Variants in CDH4 observed in about 807,000 individuals in gnomAD.
CDH4 encodes cadherin 4, also known as cadherin-4.
A neutral mutation model predicts 86.0 loss-of-function variants in CDH4; 33 were observed. The observed-to-expected ratio is 0.38, with a 90% confidence interval of 0.29 to 0.51. CDH4 has a LOEUF of 0.51. CDH4 is among the 20% of genes least tolerant of loss of function. The pLI is 0.86. For synonymous variants in CDH4, 555 were observed against 549.4 expected (o/e 1.01, Z -0.14); for missense variants, 1,114 against 1,307.4 (o/e 0.85, Z 2.28).
intron 2 of CDH4, chr20:61,570,762 G>C: frequency 2.8e-6 from 2 of 702,334 alleles, no homozygotes; most frequent in Non-Finnish European, 2.6e-6. Flanking sequence ...CTTGAGCCAC[G>C]GCTTGTGATG....
At chr20:61,785,324 C>A (rs780725410) in intron 4 of CDH4, among the ~76,000 whole-genome samples, 5 of 152,190 alleles carry the variant, frequency 3.3e-5, no homozygotes, top group Non-Finnish European at 7.3e-5. Flanking sequence ...GGGCTGTGGG[C>A]TCCCTGAGGG....
chr20:61,432,824 A>G (rs903326866), intron 2 of CDH4, among the ~76,000 whole-genome samples: 1 of 147,524 alleles, frequency 6.8e-6, no homozygotes, highest in Non-Finnish European at 1.5e-5. Context: ...TTCTACATTT[A>G]AATCCATGAT....
At chr20:61,910,643 A>G in intron 9 of CDH4, 36 bp downstream of exon 9, 2 of 1,584,478 alleles carry the variant, frequency 1.3e-6, no homozygotes, top group Non-Finnish European at 1.7e-6. Flanking sequence ...AGGCACCCCA[A>G]GTTCTGCCAC....
rs766831223 is a variant in CDH4 at position 61,932,995 on chromosome 20, G to A, written c.2250G>A (p.Leu750=). 1.9e-6 allele frequency: 3 copies of A among 1,613,114 alleles called. No individual in the cohort carries two copies. The highest frequency in any genetic ancestry group is 2.2e-5 in the South Asian group (2 of 91,086). Reference sequence around the variant, plus strand: ...AGCCCTCCCCCACAGCCATGGTCCTGCTGTTTGTCATGTGGATGAAGCGGC... The same window carrying A: ...AGCCCTCCCCCACAGCCATGGTCCTACTGTTTGTCATGTGGATGAAGCGGC... The part of the protein sequence containing the change: ...ICILILLTMV[L]LFVMWMKRRE... The change falls in exon 14 of 16, where the codon CTG becomes CTA. Residue 750 remains leucine (L), a synonymous_variant. Coordinates refer to ENST00000614565, the MANE Select transcript of CDH4 (RefSeq NM_001794.5).
chr20:61,768,484 C>T (rs2088729516), intron 3 of CDH4, among the ~76,000 whole-genome samples: 7 of 152,330 alleles, frequency 4.6e-5, no homozygotes. Context: ...ACCCAATGCT[C>T]AGTCTTCATT....
intron 2 of CDH4, among the ~76,000 whole-genome samples, chr20:61,509,813 G>C (rs1009849513): frequency 6.6e-6 from 1 of 152,112 alleles, no homozygotes; most frequent in Non-Finnish European, 1.5e-5. Context: ...TTGCCCCACC[G>C]AAGTCTCAGG....
chr20:61,898,612 T>C (rs1272981785), intron 8 of CDH4, among the ~76,000 whole-genome samples: 1 of 152,046 alleles, frequency 6.6e-6, no homozygotes, highest in East Asian at 1.9e-4. Context: ...ACACACATGC[T>C]CACGGAGGGG....
intron 4 of CDH4, among the ~76,000 whole-genome samples, chr20:61,780,425 C>T (rs922017976): frequency 6.6e-6 from 1 of 152,170 alleles, no homozygotes; most frequent in African/African-American, 2.4e-5. Context: ...GACACTGTTT[C>T]GTCGGTAATT....
chr20:61,654,913 ACGGGGGCC>A (rs1442727348), intron 2 of CDH4, among the ~76,000 whole-genome samples: 2 of 62,202 alleles, frequency 3.2e-5, no homozygotes. Flanking sequence ...GGACAGGGAC[ACGGGGGCC>A]TGAGCCAGCC....
At chr20:61,566,698 T>G (rs2086300570) in intron 2 of CDH4, among the ~76,000 whole-genome samples, 1 of 151,998 alleles carries the variant, frequency 6.6e-6, no homozygotes, top group Non-Finnish European at 1.5e-5. Context: ...ACTAAATCAC[T>G]TTCTAATTTA....
rs569004010 is a variant in CDH4, at chr20:61,351,349, C to T, written c.169+96412C>T. Among the ~76,000 whole-genome samples, 8 of 152,246 alleles carry T rather than the reference C, an allele frequency of 5.3e-5. No individual in the cohort carries two copies. In the South Asian group the frequency reaches 8.3e-4, roughly 16 times the overall value. ...ATCCAGAGGTGATTTCAAGTCTATG[C>T]GAGGGGGTGCCTGGATTCTACGCAC... is the stretch of plus-strand genomic sequence containing the variant. On this transcript the variant is annotated intron_variant, in intron 2 of 15. Coordinates refer to ENST00000614565, the MANE Select transcript of CDH4 (RefSeq NM_001794.5).
intron 2 of CDH4, among the ~76,000 whole-genome samples, chr20:61,346,844 G>A (rs141436266): frequency 1.4e-4 from 22 of 152,158 alleles, no homozygotes; most frequent in African/African-American, 4.6e-4. Flanking sequence ...GGTGAGAGGC[G>A]ACGGTGAGTG....
At chr20:61,292,195 G>A (rs2084325868) in intron 2 of CDH4, among the ~76,000 whole-genome samples, 1 of 152,148 alleles carries the variant, frequency 6.6e-6, no homozygotes, top group Non-Finnish European at 1.5e-5. Flanking sequence ...AATATTCATG[G>A]CAGCACTGTT....
intron 2 of CDH4, among the ~76,000 whole-genome samples, chr20:61,420,697 G>A (rs569805127): frequency 1.3e-5 from 2 of 152,406 alleles, no homozygotes; most frequent in African/African-American, 4.8e-5. Flanking sequence ...AAAGTTGGGA[G>A]TGAGCCAGGT....
At chr20:61,658,984 C>T (rs902706951) in intron 2 of CDH4, among the ~76,000 whole-genome samples, 2 of 152,210 alleles carry the variant, frequency 1.3e-5, no homozygotes, top group African/African-American at 4.8e-5. Context: ...CAAGGCGTTT[C>T]TAACAGGCCC....
At chr20:61,335,971 C>T (rs1335523813) in intron 2 of CDH4, among the ~76,000 whole-genome samples, 7 of 152,088 alleles carry the variant, frequency 4.6e-5, no homozygotes, top group African/African-American at 7.2e-5. Flanking sequence ...AGTAGAAACG[C>T]GGCCCACATC....
chr20:61,378,586 A>G lies in CDH4; in HGVS notation c.169+123649A>G, dbSNP rs538143645. Among the ~76,000 whole-genome samples, 8 of 152,264 alleles carry G rather than the reference A, an allele frequency of 5.3e-5. No homozygotes were observed. In the East Asian group the frequency reaches 1.4e-3, roughly 26 times the overall value. On this transcript the variant is annotated intron_variant, in intron 2 of 15. Coordinates refer to ENST00000614565, the MANE Select transcript of CDH4 (RefSeq NM_001794.5). ...CCCTCACTTTGTGTCTTTCATAGGA[A>G]CACCTGTCATTGGGTTTAGGGCCCA...
chr20:61,852,571 C>T (rs1397945261), intron 5 of CDH4, among the ~76,000 whole-genome samples, 183 bp from the exon 6 acceptor site: 3 of 152,168 alleles, frequency 2.0e-5, no homozygotes, highest in Admixed American at 1.3e-4. Context: ...TCCTGACCCC[C>T]GTTTCTGCAG....
At chr20:61,677,287 A>G in intron 2 of CDH4, among the ~76,000 whole-genome samples, 1 of 152,098 alleles carries the variant, frequency 6.6e-6, no homozygotes, top group East Asian at 1.9e-4. Context: ...CATTTAACTT[A>G]CTTAAGATGA....
Sources: gnomAD v4.1 joint callset for allele counts (sites outside exome capture counted in the v4.1 genomes callset) on GRCh38, gnomAD v4.1.1 for gene constraint, MANE v1.5 for transcripts, NCBI Gene and HGNC (gene_info 2026-07-23, HGNC 2026-07-21) for gene names.